The following C11orf16 variants were observed in gnomAD, a reference collection of about 807,000 sequenced individuals.
The protein encoded by C11orf16 is chromosome 11 open reading frame 16.
A neutral mutation model predicts 45.1 loss-of-function variants in C11orf16; 38 were observed. The ratio of observed to expected loss-of-function variants is 0.84; its 90% CI spans 0.65 to 1.10. The LOEUF is 1.10. Ranked by LOEUF, C11orf16 falls within the 50% of genes least tolerant of loss-of-function variation. The pLI, the probability that C11orf16 is intolerant of heterozygous loss-of-function variation, is 0.00. For missense variants in C11orf16, 583 were observed against 569.5 expected (o/e 1.02, Z -0.24); for synonymous variants, 221 against 222.0 (o/e 1.00, Z 0.04).
At chr11:8,927,405 C>G (rs980017729) in intron 3 of C11orf16, 17 of 574,672 alleles carry the variant, frequency 3.0e-5, no homozygotes, top group Non-Finnish European at 5.3e-5. Flanking sequence ...TCGGGCAACT[C>G]TTGTGGATCA....
At chr11:8,920,550 G>T in intron 6 of C11orf16, 100 bp from the exon 7 acceptor site, 1 of 587,628 alleles carries the variant, frequency 1.7e-6, no homozygotes, top group Non-Finnish European at 3.0e-6. Context: ...GGCCGAGTGC[G>T]GTGGCTCATA....
Position 8,932,178 on chromosome 11 carries a change from T to C in C11orf16, c.131A>G (p.Gln44Arg). Residue 44 changes from glutamine (Q) to arginine (R), a missense_variant, in exon 2 of 7, where the codon CAA becomes CGA. Physicochemically the swap from Gln to Arg is conservative, Grantham distance 43 (BLOSUM62 1). Transcript: ENST00000326053. ...CTTGTGCCCGGTGAGCCAGGGTGCTTGGAGGGCAAAGGGGTAGGTGAAGGA... is the reference window on the plus strand; with the variant it reads ...CTTGTGCCCGGTGAGCCAGGGTGCTCGGAGGGCAAAGGGGTAGGTGAAGGA... ...DLSFTYPFALQAPWLTGHKPL... is the reference protein window; with the variant it reads ...DLSFTYPFALRAPWLTGHKPL... The C allele has an allele frequency of 6.3e-7, 1 of 1,590,802 alleles. No individual in the cohort carries two copies. The highest frequency in any genetic ancestry group is 8.6e-7 in the Non-Finnish European group (1 of 1,169,204).
chr11:8,922,616 G>T (rs546479605), intron 5 of C11orf16, among the ~76,000 whole-genome samples: 1 of 152,360 alleles, frequency 6.6e-6, no homozygotes, highest in African/African-American at 2.4e-5. Context: ...AAGGGAAAGT[G>T]TGGAGGACAG....
At chr11:8,920,622 A>C (rs1402821617) in intron 6 of C11orf16, among the ~76,000 whole-genome samples, 172 bp from the exon 7 acceptor site, 1 of 152,210 alleles carries the variant, frequency 6.6e-6, no homozygotes, top group Non-Finnish European at 1.5e-5. Flanking sequence ...AGTAATCAAG[A>C]CCAGCCTGGT....
rs1566113033 is a variant in C11orf16, at chr11:8,927,150, C to T, written c.349G>A (p.Val117Met). ...GCGACAAGAGGAGCCTCGAATTCCA[C>T]AAGCAGGACCCCCTGTCTCTCCAGC... ...PELERQGVLLVEFEAPLVAGP... is the reference protein window; with the variant it reads ...PELERQGVLLMEFEAPLVAGP... Residue 117 changes from valine to methionine, a missense_variant, in exon 4 of 7, where the codon GTG becomes ATG. By Grantham distance (21) the Val-to-Met change is conservative. Transcript: ENST00000326053. The T allele has an allele frequency of 2.5e-6, 4 of 1,614,008 alleles. No individual in the cohort carries two copies. The highest frequency in any genetic ancestry group is 1.3e-5 in the African/African-American group (1 of 75,058).
chr11:8,926,185 C>CTTT (rs59858402), intron 4 of C11orf16, 78 bp from the exon 5 acceptor site: 28,367 of 877,688 alleles, frequency 0.032, 102 homozygotes, highest in Non-Finnish European at 0.036. Context: ...TTTTTCTTTT[C>CTTT]TTTTTTTTTT....
At chr11:8,932,029 C>T in intron 2 of C11orf16, 113 bp downstream of exon 2, 1 of 1,176,010 alleles carries the variant, frequency 8.5e-7, no homozygotes, top group Non-Finnish European at 1.2e-6. Context: ...AATGACGACC[C>T]CTTTCCACCT....
chr11:8,921,225 G>T (rs1329103337), intron 6 of C11orf16, 69 bp downstream of exon 6: 7 of 1,223,774 alleles, frequency 5.7e-6, no homozygotes, highest in Non-Finnish European at 8.2e-6. Flanking sequence ...CAAAGGGGAT[G>T]TGACCCAAAA....
rs1377734283 is a variant in C11orf16 at position 8,932,325 on chromosome 11, A to G, written c.-17T>C. ...GGATTCCATGGCCTTCAGAGGATCC[A>G]CCTGAGAATAGGCACCACCATTACC... On this transcript the variant is annotated splice_region_variant and 5_prime_UTR_variant, in exon 2 of 7. Transcript: ENST00000326053. 1 of 1,575,234 alleles carries G rather than the reference A, an allele frequency of 6.3e-7. No individual in the cohort carries two copies. Among genetic ancestry groups the G allele is most frequent in the Non-Finnish European group, 8.6e-7 (1 of 1,162,286 alleles).
intron 3 of C11orf16, 42 bp downstream of exon 3, chr11:8,929,335 C>T: frequency 6.3e-7 from 1 of 1,593,624 alleles, no homozygotes; most frequent in South Asian, 1.2e-5. Flanking sequence ...ACAAGGCCAC[C>T]CAGAGGAGCA....
At chr11:8,929,608 T>C in intron 2 of C11orf16, 75 bp from the exon 3 acceptor site, 1 of 1,367,764 alleles carries the variant, frequency 7.3e-7, no homozygotes, top group Non-Finnish European at 9.8e-7. Flanking sequence ...GTTTCGCAGG[T>C]ACATCTGAGG....
rs372081665 is a variant in C11orf16 at position 8,921,378 on chromosome 11, C to T, written c.1342G>A (p.Ala448Thr). 1.4e-5 allele frequency: 22 copies of T among 1,614,230 alleles called. No homozygotes were observed. Among genetic ancestry groups the T allele is most frequent in the East Asian group, 2.2e-5 (1 of 44,882 alleles). ...CTCTGACTCCGCTTTCTGTGTTCAG[C>T]TTCCCCTGGCGGGGTCCGCGGTGGC... The part of the protein sequence containing the change: ...MKPPRTPPGE[A>T]EHRKRSQSLA... The change falls in exon 6 of 7, where the codon GCT (alanine) becomes ACT (threonine). Residue 448 changes from alanine (A) to threonine (T), a missense_variant. Ala to Thr is a moderately conservative substitution (Grantham distance 58). Coordinates refer to ENST00000326053, the MANE Select transcript of C11orf16 (RefSeq NM_020643.3).
In C11orf16 at chr11:8,925,889, C is replaced by T. The variant is rs2064608022; in HGVS notation, c.778G>A (p.Asp260Asn). 6.2e-7 allele frequency: 1 copy of T among 1,614,216 alleles called. No individual in the cohort carries two copies. Among genetic ancestry groups the T allele is most frequent in the Middle Eastern group, 1.7e-4 (1 of 6,060 alleles). ...TGRITNELPP[D>N]APFLCPLCHH... ...CAGAGAGGGCACAGGAATGGAGCAT[C>T]CGGAGGAAGCTCATTAGTGATGCGC... Residue 260 changes from aspartate to asparagine, a missense_variant, in exon 5 of 7, where the codon GAT becomes AAT. Coordinates refer to ENST00000326053, the MANE Select transcript of C11orf16 (RefSeq NM_020643.3).
At chr11:8,928,032 C>T (rs1406847097) in intron 3 of C11orf16, among the ~76,000 whole-genome samples, 5 of 152,062 alleles carry the variant, frequency 3.3e-5, no homozygotes, top group East Asian at 1.9e-4. Context: ...CTCAGGTTCC[C>T]GAGCAGCTGG....
chr11:8,925,342 A>G (rs1161761943), intron 5 of C11orf16, 121 bp downstream of exon 5: 3 of 910,734 alleles, frequency 3.3e-6, no homozygotes, highest in Non-Finnish European at 5.0e-6. Flanking sequence ...CAGACTCCCA[A>G]GGATTACTGC....
intron 5 of C11orf16, among the ~76,000 whole-genome samples, chr11:8,922,052 AAGATTT>A (rs1388429176): frequency 6.6e-6 from 1 of 152,220 alleles, no homozygotes; most frequent in Non-Finnish European, 1.5e-5. Context: ...CCTGATACCC[AAGATTT>A]GGAGTTGTGA....
intron 5 of C11orf16, among the ~76,000 whole-genome samples, chr11:8,921,972 T>C (rs1160542781): frequency 6.6e-6 from 1 of 152,230 alleles, no homozygotes; most frequent in African/African-American, 2.4e-5. Context: ...AATGTGTCCA[T>C]GTAATGTTTT....
In C11orf16 at chr11:8,925,515, A is replaced by T; in HGVS notation, c.1152T>A (p.Pro384=). The T allele has an allele frequency of 6.2e-7, 1 of 1,614,212 alleles. No individual in the cohort carries two copies. Among genetic ancestry groups the T allele is most frequent in the Non-Finnish European group, 8.5e-7 (1 of 1,180,040 alleles). ...MPLRQSGLCQ[P]EWRYWKRNGP... ...CGTTTCTCTTCCAATACCTCCACTC[A>T]GGCTGGCAGAGGCCACTCTGTCTCA... The change falls in exon 5 of 7, where the codon CCT becomes CCA. Residue 384 remains proline (P), a synonymous_variant. Coordinates refer to ENST00000326053, the MANE Select transcript of C11orf16 (RefSeq NM_020643.3).
chr11:8,932,397 C>T, intron 1 of C11orf16, 71 bp from the exon 2 acceptor site: 1 of 1,322,518 alleles, frequency 7.6e-7, no homozygotes, highest in Non-Finnish European at 1.0e-6. Context: ...CGAGGCAGGG[C>T]TCAGCTCTGC....
Sources: allele counts gnomAD v4.1 joint callset (sites outside exome capture counted in the v4.1 genomes callset), GRCh38; gene constraint gnomAD v4.1.1; transcripts MANE v1.5; gene names NCBI Gene and HGNC (gene_info 2026-07-23, HGNC 2026-07-21).